Variants in ARHGEF9 observed in about 807,000 individuals in gnomAD.
ARHGEF9 encodes Cdc42 guanine nucleotide exchange factor 9.
ARHGEF9 carries 2 observed loss-of-function variants against 41.3 expected under a neutral mutation model. The ratio of observed to expected loss-of-function variants is 0.05; its 90% CI spans 0.02 to 0.15. ARHGEF9 has a LOEUF of 0.15. ARHGEF9 is among the 10% of genes least tolerant of loss of function. The pLI, the probability that ARHGEF9 is intolerant of heterozygous loss-of-function variation, is 1.00. For missense variants in ARHGEF9, 225 were observed against 424.7 expected, an observed-to-expected ratio of 0.53 and a Z score of 4.13; for synonymous variants, 160 against 154.4, an observed-to-expected ratio of 1.04 and a Z score of -0.27.
chrX:63,728,075 G>T (rs1556418160), intron 1 of ARHGEF9, among the ~76,000 whole-genome samples: 1 of 111,801 alleles, frequency 8.9e-6, no homozygotes, highest in Admixed American at 9.5e-5. Flanking sequence ...GAGGTGAGAG[G>T]AACGCTAATC....
intron 2 of ARHGEF9, among the ~76,000 whole-genome samples, chrX:63,721,247 G>T (rs1398761541): frequency 2.7e-5 from 3 of 111,778 alleles, no homozygotes; most frequent in Non-Finnish European, 5.6e-5. Flanking sequence ...CTTTGAAAAG[G>T]AAAAGTTGGG....
At chrX:63,706,992 T>C (rs1556402804) in intron 2 of ARHGEF9, among the ~76,000 whole-genome samples, 1 of 112,266 alleles carries the variant, frequency 8.9e-6, no homozygotes, top group East Asian at 2.8e-4. Context: ...CAATAGCTAT[T>C]AATTGGCACC....
At chrX:63,773,613 C>T (rs1370579776) in intron 1 of ARHGEF9, among the ~76,000 whole-genome samples, 2 of 111,978 alleles carry the variant, frequency 1.8e-5, no homozygotes, top group African/African-American at 6.5e-5. Flanking sequence ...CTTGACTGAG[C>T]CACAGGGTGC....
At chrX:63,766,616 G>A (rs2056117157) in intron 1 of ARHGEF9, among the ~76,000 whole-genome samples, 1 of 111,842 alleles carries the variant, frequency 8.9e-6, no homozygotes, top group Non-Finnish European at 1.9e-5. Flanking sequence ...ACACTCAAAG[G>A]ACTTCTCTGA....
At chrX:63,671,151 G>A (rs1220450989) in intron 6 of ARHGEF9, 7 of 112,621 alleles carry the variant, frequency 6.2e-5, no homozygotes, top group African/African-American at 2.3e-4. Flanking sequence ...TGGGAGACAA[G>A]GGGGGTGGCA....
intron 3 of ARHGEF9, chrX:63,701,761 G>T (rs1180618122): frequency 1.8e-5 from 2 of 111,442 alleles, no homozygotes; most frequent in African/African-American, 6.5e-5. Context: ...AAATCAGCAA[G>T]AAAAAAACAT....
Position 63,637,441 on chromosome X carries a change from G to C in ARHGEF9, c.*587C>G, listed in dbSNP as rs1413915647. The C allele has an allele frequency of 3.4e-6, 1 of 290,139 alleles. No homozygotes were observed. The highest frequency in any genetic ancestry group is 2.8e-5 in the African/African-American group (1 of 36,065). 23.9% of individuals were successfully genotyped at this position (290,139 alleles called of 1,213,427 possible). A position where few individuals can be genotyped will look rare whatever the true frequency, so the allele number is the denominator to read the frequency against. On this transcript the variant is annotated 3_prime_UTR_variant, in exon 10 of 10. Coordinates refer to ENST00000671741, the MANE Select transcript of ARHGEF9 (RefSeq NM_001353921.2). ...ATTTGGGGCAACTGCAGGGCTGAAG[G>C]AACATTTGATAATGATTGGCTGAAG...
chrX:63,785,079 G>T (rs2056440517), intron 1 of ARHGEF9, 37 bp downstream of exon 1: 2 of 1,163,407 alleles, frequency 1.7e-6, no homozygotes, highest in East Asian at 6.5e-5. Context: ...GGGACTGAGA[G>T]GCTCAAGCAA....
At chrX:63,720,657 C>T (rs868993429) in intron 2 of ARHGEF9, among the ~76,000 whole-genome samples, 31 of 111,867 alleles carry the variant, frequency 2.8e-4, no homozygotes, top group Non-Finnish European at 2.1e-4. Flanking sequence ...CCACTAATTC[C>T]CTACATGAGA....
At chrX:63,674,991 C>T (rs1410889582) in intron 5 of ARHGEF9, among the ~76,000 whole-genome samples, 3 of 111,205 alleles carry the variant, frequency 2.7e-5, no homozygotes, top group African/African-American at 6.5e-5. Flanking sequence ...AGAGAGCATA[C>T]GCTTCTTTAG....
chrX:63,695,026 A>G (rs1398857286), intron 4 of ARHGEF9, among the ~76,000 whole-genome samples: 1 of 112,602 alleles, frequency 8.9e-6, no homozygotes, highest in Non-Finnish European at 1.9e-5. Flanking sequence ...AAATCATTCA[A>G]TCCAAATTCA....
Position 63,755,047 on chromosome X carries a change from C to G in ARHGEF9, c.30+30069G>C, listed in dbSNP as rs1311803352. On this transcript the variant is annotated intron_variant, in intron 1 of 9. Transcript: ENST00000671741. Reference sequence around the variant, plus strand: ...GCTCGTTTTCCTAAGCTTGCTCGCTCTCTTCGCTGGGCTCCCGGCTGCCAG... The same window carrying G: ...GCTCGTTTTCCTAAGCTTGCTCGCTGTCTTCGCTGGGCTCCCGGCTGCCAG... The G allele has an allele frequency of 3.6e-5, 34 of 937,481 alleles. No individual in the cohort carries two copies. In the African/African-American group the frequency reaches 4.7e-4, roughly 13 times the overall value. 77.3% of individuals were successfully genotyped at this position (937,481 alleles called of 1,213,427 possible).
intron 3 of ARHGEF9, among the ~76,000 whole-genome samples, chrX:63,704,586 G>A (rs1427285421): frequency 8.9e-6 from 1 of 112,031 alleles, no homozygotes; most frequent in East Asian, 2.8e-4. Context: ...ATGGATGGAT[G>A]GGTGAATAAA....
intron 1 of ARHGEF9, among the ~76,000 whole-genome samples, chrX:63,780,723 T>C (rs1461449336): frequency 1.8e-5 from 2 of 112,012 alleles, no homozygotes; most frequent in Non-Finnish European, 3.8e-5. Flanking sequence ...TAGCACCTTT[T>C]TATTTATCCT....
chrX:63,749,105 AT>A (rs1216734749), intron 1 of ARHGEF9, among the ~76,000 whole-genome samples: 1 of 112,842 alleles, frequency 8.9e-6, no homozygotes, highest in African/African-American at 3.2e-5. Context: ...ACAAAAAGGC[AT>A]TTTATAGAAT....
chrX:63,765,079 A>G (rs781945119), intron 1 of ARHGEF9, among the ~76,000 whole-genome samples: 15 of 111,726 alleles, frequency 1.3e-4, no homozygotes, highest in Admixed American at 3.8e-4. Flanking sequence ...AGCATTCCAA[A>G]TGAGATTGTA....
intron 4 of ARHGEF9, among the ~76,000 whole-genome samples, chrX:63,696,079 G>A (rs1556387825): frequency 9.0e-6 from 1 of 111,091 alleles, no homozygotes; most frequent in African/African-American, 3.3e-5. Flanking sequence ...ATAGCTATGA[G>A]TATAAACATG....
At chrX:63,718,801 G>T (rs1177201436) in intron 2 of ARHGEF9, among the ~76,000 whole-genome samples, 1 of 111,605 alleles carries the variant, frequency 9.0e-6, no homozygotes, top group Non-Finnish European at 1.9e-5. Context: ...AAAAGCCCAG[G>T]GTAATTTTAG....
chrX:63,654,334 T>G lies in ARHGEF9; in HGVS notation c.1321+1160A>C, dbSNP rs138948274. ...GGGGCCTTCTAATTGATTCAGGGTC[T>G]GAACACTAAGACCATTCCTTTAATA... is the stretch of plus-strand genomic sequence containing the variant. On this transcript the variant is annotated intron_variant, in intron 8 of 9. Coordinates refer to ENST00000671741, the MANE Select transcript of ARHGEF9 (RefSeq NM_001353921.2). Among the ~76,000 whole-genome samples, 317 of 111,833 alleles carry G rather than the reference T, an allele frequency of 2.8e-3. 1 individual carries two copies. The highest frequency in any genetic ancestry group is 9.9e-3 in the African/African-American group (306 of 30,853).
Sources: gnomAD v4.1 joint callset for allele counts (sites outside exome capture counted in the v4.1 genomes callset) on GRCh38, gnomAD v4.1.1 for gene constraint, MANE v1.5 for transcripts, NCBI Gene and HGNC (gene_info 2026-07-23, HGNC 2026-07-21) for gene names.